Variants in PTK2B observed in about 807,000 individuals in gnomAD.
PTK2B encodes protein-tyrosine kinase 2-beta.
PTK2B carries 71 observed loss-of-function variants against 142.9 expected under a neutral mutation model. The observed-to-expected ratio is 0.50, with a 90% CI of 0.41 to 0.61. The LOEUF (loss-of-function observed/expected upper bound fraction) is 0.61. PTK2B is among the 20% of genes least tolerant of loss of function. The pLI is 0.00. For missense variants in PTK2B, 1,105 were observed against 1,320.4 expected (o/e 0.84, Z 2.53); for synonymous variants, 519 against 503.4 (o/e 1.03, Z -0.42).
Position 27,398,383 on chromosome 8 carries a change from A to T in PTK2B, c.204+595A>T, listed in dbSNP as rs540643593. Among the ~76,000 whole-genome samples the T allele has an allele frequency of 3.3e-5, 5 of 152,240 alleles. No individual in the cohort carries two copies. In the South Asian group the frequency reaches 1.0e-3, roughly 31 times the overall value. Reference sequence around the variant, plus strand: ...TCCAGGTACCCACCTTCATCAGGGCACCTGGACACCAGGATGCCAGTTCAC... The same window carrying T: ...TCCAGGTACCCACCTTCATCAGGGCTCCTGGACACCAGGATGCCAGTTCAC... On this transcript the variant is annotated intron_variant, in intron 2 of 30. Transcript: ENST00000346049.
chr8:27,452,559 C>CAAAAAAA, intron 27 of PTK2B: 1 of 130,466 alleles, frequency 7.7e-6, no homozygotes, highest in Non-Finnish European at 1.6e-5. Context: ...AGCCCTGCCT[C>CAAAAAAA]AAAAAAAAAA....
intron 2 of PTK2B, among the ~76,000 whole-genome samples, chr8:27,415,718 A>G (rs2131737643): frequency 6.6e-6 from 1 of 152,378 alleles, no homozygotes; most frequent in African/African-American, 2.4e-5. Context: ...AGCAGCAAGA[A>G]GATTAGCAGA....
rs73679175 is a variant in PTK2B at position 27,365,370 on chromosome 8, T to C, written c.-37-32178T>C. 6.2e-3 allele frequency among the ~76,000 whole-genome samples: 949 copies of C among 152,338 alleles called. 11 individuals carry two copies. The highest frequency in any genetic ancestry group is 0.022 in the African/African-American group (923 of 41,564). On this transcript the variant is annotated intron_variant, in intron 1 of 30. Transcript: ENST00000346049. ...AGTCACAATTCCCGCAGTTCATCCCTAGCCCGAGGGAAGGCAGGAGACCCA... is the reference window on the plus strand; with the variant it reads ...AGTCACAATTCCCGCAGTTCATCCCCAGCCCGAGGGAAGGCAGGAGACCCA...
At chr8:27,329,003 T>C (rs1217234144) in intron 1 of PTK2B, among the ~76,000 whole-genome samples, 1 of 151,790 alleles carries the variant, frequency 6.6e-6, no homozygotes, top group Non-Finnish European at 1.5e-5. Context: ...AGTGGCGCGA[T>C]CTCAGCTCAC....
rs769219620 is a variant in PTK2B at position 27,453,106 on chromosome 8, T to C, written c.2549-8T>C. ...ACTGCCCCCCACTTGCTGTTCTTTT[T>C]ATTGCAGTGGAGTTCACAGGGCCCC... On this transcript the variant is annotated splice_region_variant and splice_polypyrimidine_tract_variant and intron_variant, in intron 27 of 30. Transcript: ENST00000346049. 6.2e-7 allele frequency: 1 copy of C among 1,613,906 alleles called. No individual in the cohort carries two copies. The highest frequency in any genetic ancestry group is 8.5e-7 in the Non-Finnish European group (1 of 1,179,962).
rs141433887 is a variant in PTK2B, at chr8:27,368,669, A to T, written c.-37-28879A>T. On this transcript the variant is annotated intron_variant, in intron 1 of 30. Coordinates refer to ENST00000346049, the MANE Select transcript of PTK2B (RefSeq NM_173176.3). The stretch of plus-strand genomic sequence containing the variant: ...GCAAACCCTCTGGTTCCATCCCATT[A>T]TCTCATTGTCTCTTCTGCTCCCAGC... Among the ~76,000 whole-genome samples the T allele has an allele frequency of 2.9e-3, 446 of 152,264 alleles. 5 individuals carry two copies. The highest frequency in any genetic ancestry group is 9.8e-3 in the African/African-American group (408 of 41,530).
intron 1 of PTK2B, among the ~76,000 whole-genome samples, chr8:27,343,091 GGA>G (rs1804506904): frequency 6.6e-6 from 1 of 152,076 alleles, no homozygotes; most frequent in African/African-American, 2.4e-5. Flanking sequence ...TATCGCTCAG[GGA>G]TCTACCACCC....
intron 1 of PTK2B, among the ~76,000 whole-genome samples, chr8:27,354,042 T>G (rs12677872): frequency 0.057 from 8,617 of 152,186 alleles, 671 homozygotes; most frequent in African/African-American, 0.18. Flanking sequence ...GACATCTCTG[T>G]GTCTGCCCCT....
At chr8:27,319,643 C>CAAAAAAAAA (rs35156739) in intron 3 of PTK2B, among the ~76,000 whole-genome samples, 1 of 89,230 alleles carries the variant, frequency 1.1e-5, no homozygotes, top group Non-Finnish European at 2.1e-5. Flanking sequence ...GACTCTGTCT[C>CAAAAAAAAA]AAAAAAAAAA....
intron 28 of PTK2B, 104 bp downstream of exon 28, chr8:27,453,264 CAG>C: frequency 1.3e-6 from 2 of 1,482,672 alleles, no homozygotes; most frequent in Non-Finnish European, 1.9e-6. Flanking sequence ...GAATCCAGTT[CAG>C]TGTCCTCATG....
chr8:27,326,495 G>T (rs763268831), intron 1 of PTK2B, among the ~76,000 whole-genome samples: 3 of 152,180 alleles, frequency 2.0e-5, no homozygotes, highest in Non-Finnish European at 2.9e-5. Context: ...ATCCAAGTCC[G>T]CTCATTTAAG....
chr8:27,334,036 C>A (rs1586097522), intron 1 of PTK2B, among the ~76,000 whole-genome samples: 1 of 152,236 alleles, frequency 6.6e-6, no homozygotes, highest in Non-Finnish European at 1.5e-5. Context: ...GGTCAGAAAC[C>A]TTGCTATTGC....
chr8:27,398,358 T>C, intron 2 of PTK2B, among the ~76,000 whole-genome samples: 1 of 152,140 alleles, frequency 6.6e-6, no homozygotes, highest in Non-Finnish European at 1.5e-5. Flanking sequence ...GTTTTGCAGG[T>C]CCAGGTACCC....
At chr8:27,380,469 G>A (rs1476273430) in intron 1 of PTK2B, among the ~76,000 whole-genome samples, 3 of 152,124 alleles carry the variant, frequency 2.0e-5, no homozygotes, top group Admixed American at 6.5e-5. Flanking sequence ...TGGAAGCCTC[G>A]TGGCTGGAAT....
At chr8:27,357,320 T>G (rs1805445502) in intron 1 of PTK2B, among the ~76,000 whole-genome samples, 1 of 152,250 alleles carries the variant, frequency 6.6e-6, no homozygotes. Flanking sequence ...TCCAAGAATT[T>G]TCTCACCACT....
chr8:27,430,064 G>C (rs1489341807), intron 5 of PTK2B, 29 bp from the exon 6 acceptor site: 4 of 1,601,848 alleles, frequency 2.5e-6, no homozygotes, highest in Non-Finnish European at 3.4e-6. Context: ...CCAGCCTTCA[G>C]CCTCCCTCTC....
At chr8:27,432,179 C>A in intron 9 of PTK2B, 81 bp from the exon 10 acceptor site, 1 of 1,256,336 alleles carries the variant, frequency 8.0e-7, no homozygotes, top group Non-Finnish European at 1.1e-6. Context: ...CCTCCTCACC[C>A]CGGCTCCCCC....
chr8:27,382,171 C>T (rs1807067976), intron 1 of PTK2B, among the ~76,000 whole-genome samples: 2 of 152,200 alleles, frequency 1.3e-5, no homozygotes, highest in South Asian at 4.1e-4. Context: ...TGGTCTTGAA[C>T]TCCTGTCCTC....
At chr8:27,437,737 T>C in intron 17 of PTK2B, 28 bp from the exon 18 acceptor site, 1 of 1,586,638 alleles carries the variant, frequency 6.3e-7, no homozygotes, top group African/African-American at 1.3e-5. Flanking sequence ...CAACCAGGGG[T>C]CTTGATGGCA....
Sources: gnomAD v4.1 joint callset for allele counts (sites outside exome capture counted in the v4.1 genomes callset) on GRCh38, gnomAD v4.1.1 for gene constraint, MANE v1.5 for transcripts, NCBI Gene and HGNC (gene_info 2026-07-23, HGNC 2026-07-21) for gene names.